The following CACNA1I variants were observed in gnomAD, a reference collection of about 807,000 sequenced individuals.
CACNA1I encodes calcium voltage-gated channel subunit alpha1 I.
In CACNA1I, 74 loss-of-function variants were observed where a neutral mutation model predicts 201.6. The ratio of observed to expected loss-of-function variants is 0.37; its 90% CI spans 0.30 to 0.45. The LOEUF (loss-of-function observed/expected upper bound fraction) is 0.45, where lower values mean the gene tolerates loss of function less well. Among genes scored for constraint, CACNA1I ranks in the 20% least tolerant of loss-of-function variants. CACNA1I has a pLI of 1.00. For missense variants in CACNA1I, 2,346 were observed against 3,138.1 expected (o/e 0.75, Z 6.03); for synonymous variants, 1,431 against 1,345.2 (o/e 1.06, Z -1.40).
intron 2 of CACNA1I, among the ~76,000 whole-genome samples, chr22:39,598,941 GTTTTTT>G (rs3044380): frequency 1.5e-5 from 1 of 68,242 alleles, no homozygotes; most frequent in Non-Finnish European, 2.5e-5. Flanking sequence ...TGCCTCTTGG[GTTTTTT>G]TTTTTTTTTT....
chr22:39,681,184 C>T (rs1935694174), intron 34 of CACNA1I, 132 bp downstream of exon 34: 1 of 1,046,060 alleles, frequency 9.6e-7, no homozygotes, highest in Admixed American at 2.9e-5. Flanking sequence ...CCTTCATCTC[C>T]TGTTGGACAG....
chr22:39,644,798 C>T (rs143477786), intron 7 of CACNA1I, among the ~76,000 whole-genome samples: 50 of 152,224 alleles, frequency 3.3e-4, no homozygotes, highest in Middle Eastern at 6.8e-3. Flanking sequence ...AGCGATCATC[C>T]CCCCTCAGCT....
intron 1 of CACNA1I, among the ~76,000 whole-genome samples, chr22:39,596,128 GGCAGGGCGGAGAGAGATGGGGGA>G (rs1932881817): frequency 8.3e-6 from 1 of 119,990 alleles, no homozygotes. Context: ...AGTGAGCCAG[GGCAGGGCGGAGAGAGATGGGGGA>G]GCAGGGTGGA....
intron 4 of CACNA1I, among the ~76,000 whole-genome samples, chr22:39,628,155 A>C (rs1933951318): frequency 6.6e-6 from 1 of 152,178 alleles, no homozygotes; most frequent in African/African-American, 2.4e-5. Flanking sequence ...ACCAGATCAA[A>C]GGACTGGGCC....
chr22:39,657,556 A>T (rs901423236), intron 10 of CACNA1I, among the ~76,000 whole-genome samples: 4 of 152,202 alleles, frequency 2.6e-5, no homozygotes, highest in Admixed American at 2.6e-4. Flanking sequence ...TAAGGGCAGG[A>T]GTCTTGGAGC....
intron 1 of CACNA1I, among the ~76,000 whole-genome samples, chr22:39,574,600 A>G (rs57059848): frequency 0.01 from 1,522 of 152,152 alleles, 31 homozygotes; most frequent in African/African-American, 0.034. Flanking sequence ...GTACTCCTCA[A>G]TGGGACACCA....
At chr22:39,616,011 G>A (rs917769060) in intron 3 of CACNA1I, among the ~76,000 whole-genome samples, 1 of 152,192 alleles carries the variant, frequency 6.6e-6, no homozygotes, top group Non-Finnish European at 1.5e-5. Flanking sequence ...TTTCACCGGG[G>A]TCTGAGGGCT....
intron 2 of CACNA1I, 89 bp downstream of exon 2, chr22:39,598,351 T>C (rs1373091917): frequency 1.8e-6 from 1 of 571,194 alleles, no homozygotes; most frequent in Non-Finnish European, 3.0e-6. Context: ...CCGCCCCATG[T>C]CCTGGCCTTG....
rs1474543118 is a variant in CACNA1I, at chr22:39,679,286, G to A, written c.5235G>A (p.Glu1745=). 6 of 1,569,844 alleles carry A rather than the reference G, an allele frequency of 3.8e-6. No individual in the cohort carries two copies. Among genetic ancestry groups the A allele is most frequent in the Non-Finnish European group, 4.3e-6 (5 of 1,158,264 alleles). Residue 1745 remains glutamate, a synonymous_variant, in exon 32 of 37, where the codon GAG becomes GAA. Transcript: ENST00000402142. Reference sequence around the variant, plus strand: ...ACAAGGAGGCGCAGGAGGACGCCGAGATGGATGCCGAGCTCGAGCTGGAGA... The same window carrying A: ...ACAAGGAGGCGCAGGAGGACGCCGAAATGGATGCCGAGCTCGAGCTGGAGA... ...DSNKEAQEDA[E]MDAELELEMA...
chr22:39,646,699 G>T lies in CACNA1I; in HGVS notation c.1280G>T (p.Ser427Ile). ...QRYLSSSTVA[S>I]YAEPGDCYEE... ...TACCTGTCCTCCAGCACGGTGGCCA[G>T]CTACGCCGAGCCTGGCGACTGCTAC... Residue 427 changes from serine (S) to isoleucine (I), a missense_variant, in exon 8 of 37, where the codon AGC becomes ATC. Ser to Ile is a moderately radical substitution (Grantham distance 142). This residue lies in a region of CACNA1I where 312 missense variants were observed against 331.5 expected (regional missense o/e 0.94). Transcript: ENST00000402142. 6.3e-7 allele frequency: 1 copy of T among 1,593,278 alleles called. No homozygotes were observed. Among genetic ancestry groups the T allele is most frequent in the Non-Finnish European group, 8.5e-7 (1 of 1,170,320 alleles).
chr22:39,623,397 C>T (rs1226985926), intron 4 of CACNA1I, among the ~76,000 whole-genome samples: 3 of 151,768 alleles, frequency 2.0e-5, no homozygotes, highest in Non-Finnish European at 4.4e-5. Context: ...AAAGCCTGCA[C>T]ACGTGAATGG....
At position 39,646,806 on chromosome 22, in the gene CACNA1I, C is replaced by T. The variant is rs764588498; in HGVS notation, c.1387C>T (p.Arg463Trp). 9.7e-6 allele frequency: 15 copies of T among 1,553,328 alleles called. No individual in the cohort carries two copies. The highest frequency in any genetic ancestry group is 2.7e-5 in the African/African-American group (2 of 73,094). ...ALGLYQALQS[R>W]RQALGPEAPA... ...GGGCCTCTACCAGGCCCTGCAGAGC[C>T]GGCGCCAGGCCCTGGGCCCGGAGGC... is the stretch of plus-strand genomic sequence containing the variant. Residue 463 changes from arginine (R) to tryptophan (W), a missense_variant, in exon 8 of 37, where the codon CGG becomes TGG. Physicochemically the swap from Arg to Trp is moderately radical, Grantham distance 101 (BLOSUM62 -3). This residue lies in a region of CACNA1I where 312 missense variants were observed against 331.5 expected (regional missense o/e 0.94). Transcript: ENST00000402142.
intron 10 of CACNA1I, among the ~76,000 whole-genome samples, chr22:39,651,568 G>T (rs1214068798): frequency 6.6e-6 from 1 of 152,190 alleles, no homozygotes; most frequent in Non-Finnish European, 1.5e-5. Flanking sequence ...GCCTGCAGGG[G>T]AGCAGCATTC....
intron 1 of CACNA1I, among the ~76,000 whole-genome samples, chr22:39,578,805 T>C (rs1407719686): frequency 6.6e-6 from 1 of 152,196 alleles, no homozygotes; most frequent in Non-Finnish European, 1.5e-5. Context: ...AGCCCTATTC[T>C]TCCCGTTCTT....
intron 5 of CACNA1I, among the ~76,000 whole-genome samples, chr22:39,640,165 G>A (rs944408590): frequency 6.6e-6 from 1 of 152,172 alleles, no homozygotes; most frequent in African/African-American, 2.4e-5. Flanking sequence ...GAGGTGGGTG[G>A]ATCACCTGAG....
intron 2 of CACNA1I, among the ~76,000 whole-genome samples, chr22:39,599,752 T>C (rs534888549): frequency 1.3e-5 from 2 of 152,196 alleles, no homozygotes; most frequent in East Asian, 3.9e-4. Flanking sequence ...GCCCCAGGCC[T>C]GGTTAGCCTC....
At chr22:39,604,996 G>T (rs1933171346) in intron 3 of CACNA1I, among the ~76,000 whole-genome samples, 1 of 152,016 alleles carries the variant, frequency 6.6e-6, no homozygotes, top group Non-Finnish European at 1.5e-5. Context: ...CCCAGGGGTG[G>T]CGTGGGTGGA....
rs369548309 is a variant in CACNA1I, at chr22:39,641,044, G to T, written c.918G>T (p.Gly306=). The change falls in exon 6 of 37, where the codon GGG becomes GGT. Residue 306 remains glycine (G), a synonymous_variant. Coordinates refer to ENST00000402142, the MANE Select transcript of CACNA1I (RefSeq NM_021096.4). ...ACGACGTCTACGACTTTGGGGCGGG[G>T]CGCCAGGACCTCAATGCCAGCGGCC... The part of the protein sequence containing the change: ...SKDDVYDFGA[G]RQDLNASGLC... 3 of 1,614,044 alleles carry T rather than the reference G, an allele frequency of 1.9e-6. No individual in the cohort carries two copies. In the Admixed American group the frequency reaches 5.0e-5, roughly 27 times the overall value.
At chr22:39,642,573 C>T (rs995128268) in intron 6 of CACNA1I, among the ~76,000 whole-genome samples, 2 of 152,200 alleles carry the variant, frequency 1.3e-5, no homozygotes, top group Non-Finnish European at 2.9e-5. Context: ...TGGCACGTCC[C>T]CTTCCTGGCT....
Sources: gnomAD v4.1 joint callset for allele counts (sites outside exome capture counted in the v4.1 genomes callset) on GRCh38, gnomAD v4.1.1 for gene constraint, gnomAD v4.1.1 regional missense constraint, MANE v1.5 for transcripts, NCBI Gene and HGNC (gene_info 2026-07-23, HGNC 2026-07-21) for gene names.